Variants in HLA-E observed in about 807,000 individuals in gnomAD.
HLA-E encodes the protein major histocompatibility complex, class I, E, also known as HLA class I histocompatibility antigen, alpha chain E.
In HLA-E, 25 loss-of-function variants were observed where a neutral mutation model predicts 43.4. That is an observed-to-expected ratio of 0.58 (90% CI 0.42 to 0.80). HLA-E has a LOEUF of 0.80. Ranked by LOEUF, HLA-E falls within the 30% of genes least tolerant of loss-of-function variation. HLA-E has a pLI of 0.00. For missense variants in HLA-E, 343 were observed against 470.0 expected, an observed-to-expected ratio of 0.73 and a Z score of 2.50; for synonymous variants, 161 against 197.6, an observed-to-expected ratio of 0.81 and a Z score of 1.55.
In HLA-E at chr6:30,492,427, A is replaced by C. The variant is rs1796606351; in HGVS notation, c.1027A>C (p.Lys343Gln). 1.2e-6 allele frequency: 2 copies of C among 1,613,948 alleles called. No homozygotes were observed. Among genetic ancestry groups the C allele is most frequent in the South Asian group, 1.1e-5 (1 of 91,072 alleles). Residue 343 changes from lysine (K) to glutamine (Q), a missense_variant, in exon 6 of 8, where the codon AAG (lysine) becomes CAG (glutamine). Physicochemically the swap from Lys to Gln is moderately conservative, Grantham distance 53 (BLOSUM62 1). Around this residue, in one of 3 missense-constraint regions of HLA-E, gnomAD observed 190 missense variants for 283.6 expected, o/e 0.67. Coordinates refer to ENST00000376630, the MANE Select transcript of HLA-E (RefSeq NM_005516.6). This position sits in a 1 kb window ranked among gnomAD's most constrained non-coding sequence, Gnocchi z 4.5. ...SSGGKGGSYS[K>Q]AEWSDSAQGS... Reference sequence around the variant, plus strand: ...AGGTGGAAAAGGAGGGAGCTACTCTAAGGCTGAGTGTAAGTGCGGGGCGGG... The same window carrying C: ...AGGTGGAAAAGGAGGGAGCTACTCTCAGGCTGAGTGTAAGTGCGGGGCGGG...
In HLA-E at chr6:30,491,356, G is replaced by A. The variant is rs763639827; in HGVS notation, c.830G>A (p.Arg277Lys). The A allele has an allele frequency of 4.3e-6, 7 of 1,614,100 alleles. No homozygotes were observed. Among genetic ancestry groups the A allele is most frequent in the Admixed American group, 1.7e-5 (1 of 60,016 alleles). Residue 277 changes from arginine to lysine, a missense_variant, in exon 4 of 8, where the codon AGA (arginine) becomes AAA (lysine). Around this residue, in one of 3 missense-constraint regions of HLA-E, gnomAD observed 190 missense variants for 283.6 expected, o/e 0.67. Transcript: ENST00000376630. The surrounding 1 kb of genome is among the most constrained non-coding windows in gnomAD (Gnocchi z 5.4). Reference sequence around the variant, plus strand: ...GTGGTGCCTTCTGGAGAGGAGCAGAGATACACGTGCCATGTGCAGCATGAG... The same window carrying A: ...GTGGTGCCTTCTGGAGAGGAGCAGAAATACACGTGCCATGTGCAGCATGAG... ...AVVVPSGEEQRYTCHVQHEGL... is the reference protein window; with the variant it reads ...AVVVPSGEEQKYTCHVQHEGL...
Position 30,489,724 on chromosome 6 carries a change from A to G in HLA-E, c.65-2A>G, listed in dbSNP as rs112472308. On this transcript the variant is annotated splice_acceptor_variant, in intron 1 of 7. Coordinates refer to ENST00000376630, the MANE Select transcript of HLA-E (RefSeq NM_005516.6). LOFTEE classifies it high-confidence loss of function. The surrounding 1 kb of genome is among the most constrained non-coding windows in gnomAD (Gnocchi z 5.6). ...CCGATCTCAGCCCCTCCTCGCCCCC[A>G]GGCTCCCACTCCTTGAAGTATTTCC... 2.5e-6 allele frequency: 4 copies of G among 1,612,228 alleles called. No individual in the cohort carries two copies. The highest frequency in any genetic ancestry group is 3.4e-6 in the Non-Finnish European group (4 of 1,179,776).
chr6:30,490,564 C>T lies in HLA-E; in HGVS notation c.610+49C>T. On this transcript the variant is annotated intron_variant, in intron 3 of 7. Transcript: ENST00000376630. The surrounding 1 kb of genome is among the most constrained non-coding windows in gnomAD (Gnocchi z 6.6). ...CTCCCATCTCCTTCTTGGGCTAGGA[C>T]TGTGCCCACAGCTGACAGACCTCAA... The T allele has an allele frequency of 6.4e-7, 1 of 1,560,230 alleles. No individual in the cohort carries two copies. The highest frequency in any genetic ancestry group is 1.8e-5 in the Admixed American group (1 of 56,052).
rs1240653198 is a variant in HLA-E, at chr6:30,490,510, A to C, written c.605A>C (p.His202Pro). Reference protein sequence around the residue: ...YLEKGKETLLHLEPPKTHVTH... With the variant: ...YLEKGKETLLPLEPPKTHVTH... Reference sequence around the variant, plus strand: ...GAGAAGGGGAAGGAGACGCTGCTTCACCTGGGTAAGAGGGTCCACAGGGCT... The same window carrying C: ...GAGAAGGGGAAGGAGACGCTGCTTCCCCTGGGTAAGAGGGTCCACAGGGCT... The change falls in exon 3 of 8, where the codon CAC becomes CCC. Residue 202 changes from histidine (H) to proline (P), a missense_variant. His to Pro is a moderately conservative substitution (Grantham distance 77). Coordinates refer to ENST00000376630, the MANE Select transcript of HLA-E (RefSeq NM_005516.6). This position sits in a 1 kb window ranked among gnomAD's most constrained non-coding sequence, Gnocchi z 6.6. 6.2e-7 allele frequency: 1 copy of C among 1,612,286 alleles called. No individual in the cohort carries two copies. The highest frequency in any genetic ancestry group is 8.5e-7 in the Non-Finnish European group (1 of 1,179,762).
rs747243085 is a variant in HLA-E at position 30,491,534 on chromosome 6, C to T, written c.887-3C>T. On this transcript the variant is annotated splice_polypyrimidine_tract_variant and splice_region_variant and intron_variant, in intron 4 of 7. Transcript: ENST00000376630. This position sits in a 1 kb window ranked among gnomAD's most constrained non-coding sequence, Gnocchi z 5.4. ...GGCCCCTTACGTTCCCCTCTTTTCC[C>T]AGAGCCGGCTTCCCAGCCCACCATC... The T allele has an allele frequency of 1.2e-6, 2 of 1,613,164 alleles. No homozygotes were observed. The highest frequency in any genetic ancestry group is 8.5e-7 in the Non-Finnish European group (1 of 1,179,672).
chr6:30,492,299 T>A lies in HLA-E; in HGVS notation c.1004-105T>A, dbSNP rs1796595348. The A allele has an allele frequency of 8.5e-7, 1 of 1,180,106 alleles. No homozygotes were observed. Among genetic ancestry groups the A allele is most frequent in the African/African-American group, 1.5e-5 (1 of 66,360 alleles). The allele number at this position is 1,180,106 out of a possible 1,614,324, so 73.1% of individuals were successfully genotyped here. ...TCCTGATCCTGCCCTGGGTCTGCAG[T>A]CACAGTTCAGGAAACTTCTCTGGGA... On this transcript the variant is annotated intron_variant, in intron 5 of 7. Transcript: ENST00000376630. This position sits in a 1 kb window ranked among gnomAD's most constrained non-coding sequence, Gnocchi z 4.5.
rs1468111912 is a variant in HLA-E, at chr6:30,493,147, A to C, written c.*401A>C. 1 of 153,850 alleles carries C rather than the reference A, an allele frequency of 6.5e-6. No homozygotes were observed. The highest frequency in any genetic ancestry group is 1.9e-4 in the South Asian group (1 of 5,348). The allele number at this position is 153,850 out of a possible 1,614,324, so 9.5% of individuals were successfully genotyped here. ...TCTCTACTAAAAAATACAAAAAATTAGCTGGGCGCAGAGGCACGGGCCTGT... is the reference window on the plus strand; with the variant it reads ...TCTCTACTAAAAAATACAAAAAATTCGCTGGGCGCAGAGGCACGGGCCTGT... On this transcript the variant is annotated 3_prime_UTR_variant, in exon 8 of 8. Transcript: ENST00000376630. The surrounding 1 kb of genome is among the most constrained non-coding windows in gnomAD (Gnocchi z 5.5).
At position 30,492,326 on chromosome 6, in the gene HLA-E, C is replaced by A; in HGVS notation, c.1004-78C>A. On this transcript the variant is annotated intron_variant, in intron 5 of 7. Coordinates refer to ENST00000376630, the MANE Select transcript of HLA-E (RefSeq NM_005516.6). The surrounding 1 kb of genome is among the most constrained non-coding windows in gnomAD (Gnocchi z 4.5). Reference sequence around the variant, plus strand: ...ACAGTTCAGGAAACTTCTCTGGGATCCAAAACTAGGAGGTTCCTCTAGGAC... The same window carrying A: ...ACAGTTCAGGAAACTTCTCTGGGATACAAAACTAGGAGGTTCCTCTAGGAC... 1 of 1,501,482 alleles carries A rather than the reference C, an allele frequency of 6.7e-7. No homozygotes were observed. Among genetic ancestry groups the A allele is most frequent in the Non-Finnish European group, 9.3e-7 (1 of 1,077,368 alleles). The allele number at this position is 1,501,482 out of a possible 1,614,324, so 93.0% of individuals were successfully genotyped here. A position where few individuals can be genotyped will look rare whatever the true frequency, so the allele number is the denominator to read the frequency against.
chr6:30,492,666 T>G lies in HLA-E; in HGVS notation c.*2+83T>G. 7.1e-7 allele frequency: 1 copy of G among 1,403,606 alleles called. No individual in the cohort carries two copies. The highest frequency in any genetic ancestry group is 9.9e-7 in the Non-Finnish European group (1 of 1,005,918). 86.9% of individuals were successfully genotyped at this position (1,403,606 alleles called of 1,614,324 possible). A position where few individuals can be genotyped will look rare whatever the true frequency, so the allele number is the denominator to read the frequency against. ...TTGTGGGGATTTTTTGATTCAGAAT[T>G]TTTGAGTGTGTGGTGGGCTGTTCAG... On this transcript the variant is annotated intron_variant, in intron 7 of 7. Transcript: ENST00000376630. The surrounding 1 kb of genome is among the most constrained non-coding windows in gnomAD (Gnocchi z 4.5).
At position 30,492,535 on chromosome 6, in the gene HLA-E, C is replaced by T; in HGVS notation, c.1037-6C>T. On this transcript the variant is annotated splice_region_variant and splice_polypyrimidine_tract_variant and intron_variant, in intron 6 of 7. Transcript: ENST00000376630. The surrounding 1 kb of genome is among the most constrained non-coding windows in gnomAD (Gnocchi z 4.5). ...CTGACCAGGTCTTGTTTTTGTTCTACCCCAGGGAGCGACAGTGCCCAGGGG... is the reference window on the plus strand; with the variant it reads ...CTGACCAGGTCTTGTTTTTGTTCTATCCCAGGGAGCGACAGTGCCCAGGGG... 1 of 1,614,112 alleles carries T rather than the reference C, an allele frequency of 6.2e-7. No homozygotes were observed.
In HLA-E at chr6:30,491,038, T is replaced by C; in HGVS notation, c.611-99T>C. ...TCAAGGTTTTGTCCTCTTCTCCTAC[T>C]ATAATTGTCCTCTTCCTTCTCAGGA... On this transcript the variant is annotated intron_variant, in intron 3 of 7. Coordinates refer to ENST00000376630, the MANE Select transcript of HLA-E (RefSeq NM_005516.6). This position sits in a 1 kb window ranked among gnomAD's most constrained non-coding sequence, Gnocchi z 5.4. 1 of 1,491,754 alleles carries C rather than the reference T, an allele frequency of 6.7e-7. No individual in the cohort carries two copies. Among genetic ancestry groups the C allele is most frequent in the Non-Finnish European group, 9.1e-7 (1 of 1,093,634 alleles). 92.4% of individuals were successfully genotyped at this position (1,491,754 alleles called of 1,614,324 possible).
rs771535421 is a variant in HLA-E at position 30,491,556 on chromosome 6, C to T, written c.906C>T (p.Thr302=). ...TCCCAGAGCCGGCTTCCCAGCCCACCATCCCCATCGTGGGCATCATTGCTG... is the reference window on the plus strand; with the variant it reads ...TCCCAGAGCCGGCTTCCCAGCCCACTATCCCCATCGTGGGCATCATTGCTG... ...TLRWKPASQP[T]IPIVGIIAGL... Residue 302 remains threonine (T), a synonymous_variant, in exon 5 of 8, where the codon ACC becomes ACT. Coordinates refer to ENST00000376630, the MANE Select transcript of HLA-E (RefSeq NM_005516.6). The surrounding 1 kb of genome is among the most constrained non-coding windows in gnomAD (Gnocchi z 5.4). 2 of 1,613,534 alleles carry T rather than the reference C, an allele frequency of 1.2e-6. No homozygotes were observed. Among genetic ancestry groups the T allele is most frequent in the East Asian group, 2.2e-5 (1 of 44,888 alleles).
chr6:30,489,963 C>G lies in HLA-E; in HGVS notation c.302C>G (p.Thr101Arg). 6.2e-7 allele frequency: 1 copy of G among 1,610,598 alleles called. No homozygotes were observed. Among genetic ancestry groups the G allele is most frequent in the Non-Finnish European group, 8.5e-7 (1 of 1,178,488 alleles). Residue 101 changes from threonine to arginine, a missense_variant, in exon 2 of 8, where the codon ACG becomes AGG. By Grantham distance (71) the Thr-to-Arg change is moderately conservative. Around this residue, in one of 3 missense-constraint regions of HLA-E, gnomAD observed 94 missense variants for 144.4 expected, o/e 0.65. Coordinates refer to ENST00000376630, the MANE Select transcript of HLA-E (RefSeq NM_005516.6). The surrounding 1 kb of genome is among the most constrained non-coding windows in gnomAD (Gnocchi z 5.6). ...TAQIFRVNLR[T>R]LRGYYNQSEA... is the part of the protein sequence containing the mutation. Reference sequence around the variant, plus strand: ...CAGATTTTCCGAGTGAATCTGCGGACGCTGCGCGGCTACTACAATCAGAGC... The same window carrying G: ...CAGATTTTCCGAGTGAATCTGCGGAGGCTGCGCGGCTACTACAATCAGAGC...
chr6:30,489,877 G>C lies in HLA-E; in HGVS notation c.216G>C (p.Trp72Cys). 6.2e-7 allele frequency: 1 copy of C among 1,613,092 alleles called. No individual in the cohort carries two copies. Among genetic ancestry groups the C allele is most frequent in the Non-Finnish European group, 8.5e-7 (1 of 1,180,024 alleles). The change falls in exon 2 of 8, where the codon TGG becomes TGC. Residue 72 changes from tryptophan to cysteine, a missense_variant. This residue lies in a region of HLA-E where 94 missense variants were observed against 144.4 expected (regional missense o/e 0.65). Coordinates refer to ENST00000376630, the MANE Select transcript of HLA-E (RefSeq NM_005516.6). The surrounding 1 kb of genome is among the most constrained non-coding windows in gnomAD (Gnocchi z 5.6). ...CGAGGATGGTGCCGCGGGCGCCGTG[G>C]ATGGAGCAGGAGGGGTCAGAGTATT... ...ASPRMVPRAP[W>C]MEQEGSEYWD...
rs749920862 is a variant in HLA-E at position 30,489,656 on chromosome 6, G to A, written c.64+61G>A. 1.2e-6 allele frequency: 2 copies of A among 1,606,536 alleles called. No homozygotes were observed. The highest frequency in any genetic ancestry group is 1.7e-6 in the Non-Finnish European group (2 of 1,176,206). ...GGGAGTAGAGAGGGGCCGGCCCGGC[G>A]GGGGCGAAGGACTCGGGGAGCCGCG... On this transcript the variant is annotated intron_variant, in intron 1 of 7. Coordinates refer to ENST00000376630, the MANE Select transcript of HLA-E (RefSeq NM_005516.6). The surrounding 1 kb of genome is among the most constrained non-coding windows in gnomAD (Gnocchi z 5.6).
chr6:30,491,067 T>G lies in HLA-E; in HGVS notation c.611-70T>G. 1 of 1,572,320 alleles carries G rather than the reference T, an allele frequency of 6.4e-7. No individual in the cohort carries two copies. The highest frequency in any genetic ancestry group is 8.7e-7 in the Non-Finnish European group (1 of 1,154,566). On this transcript the variant is annotated intron_variant, in intron 3 of 7. Coordinates refer to ENST00000376630, the MANE Select transcript of HLA-E (RefSeq NM_005516.6). This position sits in a 1 kb window ranked among gnomAD's most constrained non-coding sequence, Gnocchi z 5.4. Reference sequence around the variant, plus strand: ...ATTGTCCTCTTCCTTCTCAGGATGGTCACATGGGTGCTGCTGGAGTGTCCC... The same window carrying G: ...ATTGTCCTCTTCCTTCTCAGGATGGGCACATGGGTGCTGCTGGAGTGTCCC...
In HLA-E at chr6:30,490,493, G is replaced by T; in HGVS notation, c.588G>T (p.Gly196=). The T allele has an allele frequency of 6.2e-7, 1 of 1,612,938 alleles. No homozygotes were observed. Residue 196 remains glycine, a synonymous_variant, in exon 3 of 8, where the codon GGG becomes GGT. Coordinates refer to ENST00000376630, the MANE Select transcript of HLA-E (RefSeq NM_005516.6). The surrounding 1 kb of genome is among the most constrained non-coding windows in gnomAD (Gnocchi z 6.6). ...VEWLHKYLEK[G]KETLLHLEPP... ...GGCTCCACAAATACCTGGAGAAGGG[G>T]AAGGAGACGCTGCTTCACCTGGGTA...
Position 30,492,637 on chromosome 6 carries a change from T to A in HLA-E, c.*2+54T>A. 6.4e-7 allele frequency: 1 copy of A among 1,551,030 alleles called. No homozygotes were observed. Among genetic ancestry groups the A allele is most frequent in the Non-Finnish European group, 8.8e-7 (1 of 1,136,460 alleles). On this transcript the variant is annotated intron_variant, in intron 7 of 7. Coordinates refer to ENST00000376630, the MANE Select transcript of HLA-E (RefSeq NM_005516.6). This position sits in a 1 kb window ranked among gnomAD's most constrained non-coding sequence, Gnocchi z 4.5. Reference sequence around the variant, plus strand: ...GAGGGTGGGGCAGAGGGGACAGGACTGGGTTGTGGGGATTTTTTGATTCAG... The same window carrying A: ...GAGGGTGGGGCAGAGGGGACAGGACAGGGTTGTGGGGATTTTTTGATTCAG...
Position 30,493,992 on chromosome 6 carries a change from G to A in HLA-E, c.*1246G>A, listed in dbSNP as rs1796700633. ...CTGCACCCAGCAAAGCCACAGGCAC[G>A]GGGCTACCTGAGGCCTTGGGGGCCC... On this transcript the variant is annotated 3_prime_UTR_variant, in exon 8 of 8. Transcript: ENST00000376630. This position sits in a 1 kb window ranked among gnomAD's most constrained non-coding sequence, Gnocchi z 5.5. 1.3e-5 allele frequency: 2 copies of A among 152,238 alleles called. No homozygotes were observed. The highest frequency in any genetic ancestry group is 2.4e-5 in the African/African-American group (1 of 41,454). The allele number at this position is 152,238 out of a possible 1,614,324, so 9.4% of individuals were successfully genotyped here.
Sources: gnomAD v4.1 joint callset for allele counts on GRCh38, gnomAD v4.1.1 for gene constraint, gnomAD v4.1.1 regional missense constraint, Gnocchi (gnomAD v3.1) non-coding constraint, MANE v1.5 for transcripts, NCBI Gene and HGNC (gene_info 2026-07-23, HGNC 2026-07-21) for gene names.